Variants in EPB41L2 observed in about 807,000 individuals in gnomAD.
EPB41L2 encodes erythrocyte membrane protein band 4.1 like 2.
In EPB41L2, 43 loss-of-function variants were observed where a neutral mutation model predicts 113.0. The ratio of observed to expected loss-of-function variants is 0.38; its 90% CI spans 0.30 to 0.49. The LOEUF is 0.49. Among genes scored for constraint, EPB41L2 ranks in the 20% least tolerant of loss-of-function variants. EPB41L2 has a pLI of 0.95. For synonymous variants in EPB41L2, 442 were observed against 436.7 expected (o/e 1.01, Z -0.15); for missense variants, 1,147 against 1,223.4 (o/e 0.94, Z 0.93).
In EPB41L2 at chr6:130,869,575, A is replaced by C; in HGVS notation, c.2595T>G (p.Ile865Met). The change falls in exon 15 of 20, where the codon ATT becomes ATG. Residue 865 changes from isoleucine to methionine, a missense_variant. Ile to Met is a conservative substitution (Grantham distance 10). Coordinates refer to ENST00000337057, the MANE Select transcript of EPB41L2 (RefSeq NM_001431.4). ...HVDIDVLPQI[I>M]CCSEPPVVKT... is the part of the protein sequence containing the mutation. ...GACTCCCATTTACCTCTGAACAACAAATAATTTGTGGCAAAACATCAATGT... is the reference window on the plus strand; with the variant it reads ...GACTCCCATTTACCTCTGAACAACACATAATTTGTGGCAAAACATCAATGT... The C allele has an allele frequency of 1.9e-6, 3 of 1,614,022 alleles. No homozygotes were observed. The highest frequency in any genetic ancestry group is 8.5e-7 in the Non-Finnish European group (1 of 1,179,932).
intron 16 of EPB41L2, among the ~76,000 whole-genome samples, chr6:130,865,991 C>T (rs1331881368): frequency 5.3e-5 from 8 of 152,236 alleles, no homozygotes; most frequent in Non-Finnish European, 7.4e-5. Context: ...TGACCAGAAG[C>T]GCTGAGTTTG....
intron 19 of EPB41L2, among the ~76,000 whole-genome samples, chr6:130,840,949 A>G (rs1775268186): frequency 6.6e-6 from 1 of 152,190 alleles, no homozygotes; most frequent in African/African-American, 2.4e-5. Context: ...AGGGAAAGTC[A>G]AAGTCTATTT....
At position 130,923,044 on chromosome 6, in the gene EPB41L2, C is replaced by A. The variant is rs568943576; in HGVS notation, c.810+3561G>T. ...CTCATGATATCCCCTACCAACCCCC[C>A]AGTCGAGTCCTCCTACCCTTCTTAC... On this transcript the variant is annotated intron_variant, in intron 4 of 19. Coordinates refer to ENST00000337057, the MANE Select transcript of EPB41L2 (RefSeq NM_001431.4). Among the ~76,000 whole-genome samples the A allele has an allele frequency of 3.0e-4, 46 of 152,302 alleles. No homozygotes were observed. The South Asian group carries it at 3.9e-3, about 13-fold the overall frequency.
chr6:130,948,216 A>G (rs1363836518), intron 3 of EPB41L2, among the ~76,000 whole-genome samples: 1 of 152,208 alleles, frequency 6.6e-6, no homozygotes, highest in Non-Finnish European at 1.5e-5. Flanking sequence ...CCCAATTTAA[A>G]TCTTGGTGAA....
intron 5 of EPB41L2, among the ~76,000 whole-genome samples, chr6:130,905,575 T>C (rs992853562): frequency 2.0e-5 from 3 of 152,114 alleles, no homozygotes; most frequent in African/African-American, 7.2e-5. Flanking sequence ...TGCGCTACGA[T>C]GTCCGGCTAA....
chr6:130,856,639 G>A (rs1292889883), intron 19 of EPB41L2, among the ~76,000 whole-genome samples: 1 of 152,232 alleles, frequency 6.6e-6, no homozygotes, highest in Non-Finnish European at 1.5e-5. Flanking sequence ...ACGCAAGGTA[G>A]AAAATGAAAA....
intron 4 of EPB41L2, among the ~76,000 whole-genome samples, chr6:130,921,135 G>A (rs762308497): frequency 6.6e-6 from 1 of 151,992 alleles, no homozygotes; most frequent in Non-Finnish European, 1.5e-5. Context: ...TAGTACCACT[G>A]CCCTGGTTTT....
intron 1 of EPB41L2, among the ~76,000 whole-genome samples, chr6:131,045,372 A>ATATTTAATATTTAAATATTTATTTAAT (rs1554351918): frequency 1.3e-5 from 2 of 151,996 alleles, no homozygotes; most frequent in Non-Finnish European, 2.9e-5. Flanking sequence ...TTCATTTAAA[A>ATATTTAATATTTAAATATTTATTTAAT]ATGATGAGAT....
At chr6:130,905,572 C>T (rs1056668797) in intron 5 of EPB41L2, among the ~76,000 whole-genome samples, 2 of 151,996 alleles carry the variant, frequency 1.3e-5, no homozygotes, top group African/African-American at 4.8e-5. Context: ...GCATGCGCTA[C>T]GATGTCCGGC....
rs1796187998 is a variant in EPB41L2 at position 130,901,163 on chromosome 6, T to C, written c.947A>G (p.Gln316Arg). The change falls in exon 7 of 20, where the codon CAG (glutamine) becomes CGG (arginine). Residue 316 changes from glutamine to arginine, a missense_variant. Gln to Arg is a conservative substitution (Grantham distance 43). Transcript: ENST00000337057. ...EDITRYFLCL[Q>R]LRQDIASGRL... ...GCCAGAGGCAATGTCCTGCCGGAGC[T>C]GAAGGCACAAGAAGTATCTGTGAGG... is the stretch of plus-strand genomic sequence containing the variant. 2 of 1,613,562 alleles carry C rather than the reference T, an allele frequency of 1.2e-6. No homozygotes were observed. Among genetic ancestry groups the C allele is most frequent in the Non-Finnish European group, 1.7e-6 (2 of 1,179,954 alleles).
chr6:130,984,961 C>G (rs148370502), intron 1 of EPB41L2, among the ~76,000 whole-genome samples: 32 of 152,232 alleles, frequency 2.1e-4, no homozygotes, highest in African/African-American at 7.2e-4. Flanking sequence ...ATGGGAACAG[C>G]CCTAAGGCAG....
In EPB41L2 at chr6:130,954,976, A is replaced by G. The variant is rs756019612; in HGVS notation, c.705+129T>C. ...GTGACAGAAATGATGACCCACTTCA[A>G]TGTATTTTTTTTAGTGCAAAACTGT... On this transcript the variant is annotated intron_variant, in intron 3 of 19. Transcript: ENST00000337057. The G allele has an allele frequency of 5.9e-5, 46 of 783,654 alleles. No homozygotes were observed. The African/African-American group carries it at 6.2e-4, about 11-fold the overall frequency. 48.5% of individuals were successfully genotyped at this position (783,654 alleles called of 1,614,324 possible).
intron 18 of EPB41L2, among the ~76,000 whole-genome samples, chr6:130,859,290 C>A (rs556785876): frequency 2.6e-5 from 4 of 152,104 alleles, no homozygotes; most frequent in Admixed American, 2.6e-4. Flanking sequence ...GGGACGCCAA[C>A]GCGGGCGATC....
At chr6:130,885,043 C>T in intron 12 of EPB41L2, 53 bp downstream of exon 12, 9 of 1,576,528 alleles carry the variant, frequency 5.7e-6, no homozygotes, top group Non-Finnish European at 7.8e-6. Flanking sequence ...ACAACAGATA[C>T]CCTCTAGGTT....
chr6:130,899,657 T>G, intron 7 of EPB41L2, 79 bp from the exon 8 acceptor site: 1 of 1,370,572 alleles, frequency 7.3e-7, no homozygotes, highest in Non-Finnish European at 1.0e-6. Flanking sequence ...GTGTCTGTGC[T>G]CAGAGGGTTT....
chr6:130,879,530 G>A (rs1033889357), intron 13 of EPB41L2, among the ~76,000 whole-genome samples: 5 of 152,132 alleles, frequency 3.3e-5, no homozygotes, highest in African/African-American at 4.8e-5. Context: ...CACGTGACAC[G>A]GGGAACATAT....
intron 19 of EPB41L2, among the ~76,000 whole-genome samples, chr6:130,852,892 G>A (rs893986077): frequency 6.6e-6 from 1 of 152,074 alleles, no homozygotes; most frequent in Non-Finnish European, 1.5e-5. Flanking sequence ...GCCTGGAATG[G>A]CCCCCTTTAC....
intron 3 of EPB41L2, among the ~76,000 whole-genome samples, chr6:130,943,060 T>G (rs1583712899): frequency 6.6e-6 from 1 of 152,320 alleles, no homozygotes; most frequent in Non-Finnish European, 1.5e-5. Flanking sequence ...TAAACATACA[T>G]GTGCATGTGT....
rs561811690 is a variant in EPB41L2 at position 130,986,107 on chromosome 6, G to A, written c.-14-29608C>T. ...AACCAAATCCAGCAGGATATTAAGG[G>A]ATCATATGTCGTGGGCAAGTGGGAT... is the stretch of plus-strand genomic sequence containing the variant. On this transcript the variant is annotated intron_variant, in intron 1 of 19. Transcript: ENST00000337057. Among the ~76,000 whole-genome samples, 10 of 152,206 alleles carry A rather than the reference G, an allele frequency of 6.6e-5. No individual in the cohort carries two copies. The East Asian group carries it at 1.9e-3, about 29-fold the overall frequency.
Sources: gnomAD v4.1 joint callset for allele counts (sites outside exome capture counted in the v4.1 genomes callset) on GRCh38, gnomAD v4.1.1 for gene constraint, MANE v1.5 for transcripts, NCBI Gene and HGNC (gene_info 2026-07-23, HGNC 2026-07-21) for gene names.